The following VPS13C variants were observed in gnomAD, a reference collection of about 807,000 sequenced individuals.
VPS13C encodes intermembrane lipid transfer protein VPS13C.
A neutral mutation model predicts 456.8 loss-of-function variants in VPS13C; 358 were observed. That is an observed-to-expected ratio of 0.78 (90% confidence interval 0.72 to 0.86). The LOEUF (loss-of-function observed/expected upper bound fraction) is 0.86, where lower values mean the gene tolerates loss of function less well. Among genes scored for constraint, VPS13C ranks in the 40% least tolerant of loss-of-function variants. VPS13C has a pLI of 0.00. For missense variants in VPS13C, 4,818 were observed against 4,385.4 expected (o/e 1.10, Z -2.79); for synonymous variants, 1,578 against 1,486.7 (o/e 1.06, Z -1.41).
At chr15:62,036,006 T>C (rs899586397) in intron 3 of VPS13C, among the ~76,000 whole-genome samples, 5 of 152,070 alleles carry the variant, frequency 3.3e-5, no homozygotes, top group African/African-American at 1.2e-4. Context: ...TAATCTCTAG[T>C]ATCCCCTCGT....
intron 15 of VPS13C, among the ~76,000 whole-genome samples, 168 bp from the exon 16 acceptor site, chr15:62,000,794 T>C (rs947287435): frequency 3.9e-5 from 6 of 152,194 alleles, no homozygotes; most frequent in East Asian, 1.9e-4. Context: ...TTTAATTTTT[T>C]ACAGTAAGAG....
intron 68 of VPS13C, among the ~76,000 whole-genome samples, chr15:61,883,505 A>G (rs1419018669): frequency 6.6e-6 from 1 of 152,162 alleles, no homozygotes; most frequent in Non-Finnish European, 1.5e-5. Context: ...AACAATGACA[A>G]AGAGTAACTA....
At chr15:61,957,806 T>C (rs1047259229) in intron 37 of VPS13C, among the ~76,000 whole-genome samples, 3 of 152,114 alleles carry the variant, frequency 2.0e-5, no homozygotes, top group African/African-American at 7.2e-5. Flanking sequence ...CAAAAATGTC[T>C]AGTGCTAGGA....
At chr15:61,910,750 T>G (rs75101458) in intron 63 of VPS13C, among the ~76,000 whole-genome samples, 2,987 of 152,298 alleles carry the variant, frequency 0.02, 48 homozygotes, top group East Asian at 0.071. Flanking sequence ...CAGACCTTGC[T>G]GGAAGTTCTG....
rs372683841 is a variant in VPS13C, at chr15:61,871,991, T to G, written c.10622A>C (p.Glu3541Ala). ...GGAAGGAAATATTTTCAACATACCTTCCACAGGTTTTGTTATTATTCCAGT... is the reference window on the plus strand; with the variant it reads ...GGAAGGAAATATTTTCAACATACCTGCCACAGGTTTTGTTATTATTCCAGT... Reference protein sequence around the residue: ...GVTGIITKPVEGAKKEGAAGF... With the variant: ...GVTGIITKPVAGAKKEGAAGF... Residue 3541 changes from glutamate (E) to alanine (A), a missense_variant and splice_region_variant, in exon 79 of 85, where the codon GAA (glutamate) becomes GCA (alanine). Glu to Ala is a moderately radical substitution (Grantham distance 107). This residue lies in a region of VPS13C where 4,552 missense variants were observed against 4,130.6 expected (regional missense o/e 1.10). Coordinates refer to ENST00000644861, the MANE Select transcript of VPS13C (RefSeq NM_020821.3). 6.2e-7 allele frequency: 1 copy of G among 1,612,110 alleles called. No individual in the cohort carries two copies. Among genetic ancestry groups the G allele is most frequent in the African/African-American group, 1.3e-5 (1 of 74,840 alleles).
intron 35 of VPS13C, among the ~76,000 whole-genome samples, chr15:61,961,092 TAA>T: frequency 6.8e-6 from 1 of 147,448 alleles, no homozygotes; most frequent in Non-Finnish European, 1.5e-5. Context: ...AAACACAAAA[TAA>T]AAAACTCTTC....
intron 65 of VPS13C, among the ~76,000 whole-genome samples, 177 bp from the exon 66 acceptor site, chr15:61,907,567 G>C (rs981434090): frequency 2.0e-5 from 3 of 152,126 alleles, no homozygotes; most frequent in African/African-American, 7.2e-5. Flanking sequence ...TGGTTTTTAA[G>C]CTCGGGGAAA....
In VPS13C at chr15:61,871,928, A is replaced by G. The variant is rs7182942; in HGVS notation, c.10624+61T>C. ...GTATATAGCAGCAATAACATCTACT[A>G]TGTTTACTAATAGCATCAAGTCTTC... On this transcript the variant is annotated intron_variant, in intron 79 of 84. Transcript: ENST00000644861. 2.2e-3 allele frequency: 3,125 copies of G among 1,433,992 alleles called. 64 individuals carry two copies. In the African/African-American group the frequency reaches 0.039, roughly 18 times the overall value. 88.8% of individuals were successfully genotyped at this position (1,433,992 alleles called of 1,614,324 possible).
At chr15:61,931,663 C>T (rs990461723) in intron 49 of VPS13C, among the ~76,000 whole-genome samples, 4 of 151,434 alleles carry the variant, frequency 2.6e-5, no homozygotes, top group African/African-American at 9.7e-5. Context: ...CTGCATCCTC[C>T]ACCTCCTGCG....
chr15:61,854,664 C>T, intron 84 of VPS13C, 106 bp from the exon 85 acceptor site: 1 of 1,212,256 alleles, frequency 8.2e-7, no homozygotes, highest in South Asian at 1.2e-5. Context: ...ACAGGACCAA[C>T]AGCTAAGGAC....
chr15:62,005,760 T>C (rs372376823), intron 15 of VPS13C, among the ~76,000 whole-genome samples: 41 of 152,208 alleles, frequency 2.7e-4, no homozygotes, highest in African/African-American at 9.1e-4. Context: ...TGGAATGCAA[T>C]GGCAGGATCT....
intron 15 of VPS13C, among the ~76,000 whole-genome samples, chr15:62,003,379 G>C (rs2046708210): frequency 6.6e-6 from 1 of 151,816 alleles, no homozygotes; most frequent in Non-Finnish European, 1.5e-5. Flanking sequence ...TGTATCCTGA[G>C]ACTTTGCTGA....
intron 1 of VPS13C, among the ~76,000 whole-genome samples, chr15:62,055,648 C>A (rs1190429062): frequency 6.6e-6 from 1 of 152,110 alleles, no homozygotes; most frequent in Non-Finnish European, 1.5e-5. Context: ...ATATTTCGAT[C>A]TTAAAACTAC....
Position 61,964,722 on chromosome 15 carries a change from T to C in VPS13C, c.3191A>G (p.Gln1064Arg), listed in dbSNP as rs771527142. ...ACCTTTTGGCAGAGTTGAATTTTTT[T>C]GTTGTTTTTCAGTTGAAATTTGTAC... ...KEVQISTEKQQKNSTLPKAIV... is the reference protein window; with the variant it reads ...KEVQISTEKQRKNSTLPKAIV... The change falls in exon 31 of 85, where the codon CAA becomes CGA. Residue 1064 changes from glutamine (Q) to arginine (R), a missense_variant. Transcript: ENST00000644861. The C allele has an allele frequency of 1.9e-6, 3 of 1,603,086 alleles. No homozygotes were observed. In the Admixed American group the frequency reaches 5.2e-5, roughly 28 times the overall value.
At chr15:62,002,785 C>T (rs1470827014) in intron 15 of VPS13C, among the ~76,000 whole-genome samples, 1 of 152,090 alleles carries the variant, frequency 6.6e-6, no homozygotes, top group Non-Finnish European at 1.5e-5. Context: ...GAATCCTTTC[C>T]CCATTGCTTG....
intron 66 of VPS13C, among the ~76,000 whole-genome samples, chr15:61,903,845 A>G (rs1205212283): frequency 6.6e-6 from 1 of 152,218 alleles, no homozygotes; most frequent in Admixed American, 6.5e-5. Context: ...CAGCCAACTC[A>G]TCTTCAACAA....
Position 61,880,968 on chromosome 15 carries a change from T to A in VPS13C, c.9777-14A>T, listed in dbSNP as rs772877999. 2.6e-6 allele frequency: 4 copies of A among 1,556,046 alleles called. No individual in the cohort carries two copies. Among genetic ancestry groups the A allele is most frequent in the South Asian group, 2.4e-5 (2 of 83,446 alleles). On this transcript the variant is annotated splice_polypyrimidine_tract_variant and intron_variant, in intron 71 of 84. Transcript: ENST00000644861. ...ACCATAAAATACCTAAGAAAAAAAA[T>A]TTAAAATGGAAAAGGATTTCTACCA...
chr15:61,894,277 C>T (rs2042737494), intron 66 of VPS13C, among the ~76,000 whole-genome samples: 1 of 151,510 alleles, frequency 6.6e-6, no homozygotes, highest in Non-Finnish European at 1.5e-5. Flanking sequence ...CACTGCACTC[C>T]AGCCAGGGTG....
At chr15:61,967,699 C>G (rs2140338015) in intron 28 of VPS13C, among the ~76,000 whole-genome samples, 1 of 151,106 alleles carries the variant, frequency 6.6e-6, no homozygotes, top group African/African-American at 2.4e-5. Context: ...TTCTAAAATT[C>G]TGACAAATAA....
Sources: allele counts gnomAD v4.1 joint callset (sites outside exome capture counted in the v4.1 genomes callset), GRCh38; gene constraint gnomAD v4.1.1; regional missense constraint gnomAD v4.1.1; transcripts MANE v1.5; gene names NCBI Gene and HGNC (gene_info 2026-07-23, HGNC 2026-07-21).